Variants in TCF4 observed in about 807,000 individuals in gnomAD.
TCF4 encodes transcription factor 4, also known as SL3-3 enhancer factor 2.
In TCF4, 3 loss-of-function variants were observed where a neutral mutation model predicts 82.1. The observed-to-expected ratio is 0.04, with a 90% CI of 0.02 to 0.09. TCF4 has a LOEUF of 0.09. TCF4 is among the 10% of genes least tolerant of loss of function. TCF4 has a pLI of 1.00. For synonymous variants in TCF4, 276 were observed against 309.6 expected (o/e 0.89, Z 1.14); for missense variants, 518 against 852.7 (o/e 0.61, Z 4.89).
chr18:55,461,599 T>C (rs766580379), intron 4 of TCF4, among the ~76,000 whole-genome samples: 3 of 152,204 alleles, frequency 2.0e-5, no homozygotes, highest in Non-Finnish European at 4.4e-5. Flanking sequence ...TGTTTTATTA[T>C]AGTTACTATT....
At chr18:55,580,231 C>A (rs1357366395) in intron 3 of TCF4, among the ~76,000 whole-genome samples, 2 of 151,948 alleles carry the variant, frequency 1.3e-5, no homozygotes, top group African/African-American at 2.4e-5. Flanking sequence ...ACATATCAAA[C>A]CTTCAAAACT....
chr18:55,452,687 G>C (rs1462218623), intron 5 of TCF4: 1 of 152,482 alleles, frequency 6.6e-6, no homozygotes, highest in Non-Finnish European at 1.5e-5. Flanking sequence ...AGACCTAAAA[G>C]AGAAGGTCCT....
intron 5 of TCF4, among the ~76,000 whole-genome samples, chr18:55,431,342 C>T (rs538638156): frequency 3.7e-4 from 57 of 152,202 alleles, no homozygotes; most frequent in African/African-American, 9.4e-4. Flanking sequence ...TGCAATGGGG[C>T]GATCTCGGCT....
At chr18:55,617,052 C>T (rs2097712854) in intron 2 of TCF4, among the ~76,000 whole-genome samples, 1 of 152,042 alleles carries the variant, frequency 6.6e-6, no homozygotes, top group South Asian at 2.1e-4. Context: ...TTCTTCTAGG[C>T]ATTTTACAGT....
At chr18:55,422,798 A>G (rs779892704) in intron 5 of TCF4, among the ~76,000 whole-genome samples, 2 of 152,184 alleles carry the variant, frequency 1.3e-5, no homozygotes, top group Non-Finnish European at 2.9e-5. Flanking sequence ...TGAAAATGCT[A>G]ATGAGTCCTC....
At chr18:55,575,576 A>AT (rs904269668) in intron 3 of TCF4, among the ~76,000 whole-genome samples, 186 of 149,286 alleles carry the variant, frequency 1.2e-3, no homozygotes, top group African/African-American at 3.9e-3. Flanking sequence ...TTTGTCATAA[A>AT]TTTTTTTTTT....
chr18:55,351,075 T>C (rs1301946464), intron 6 of TCF4, 72 bp from the exon 7 acceptor site: 9 of 1,591,266 alleles, frequency 5.7e-6, no homozygotes, highest in Non-Finnish European at 7.8e-6. Flanking sequence ...AACTGATTGT[T>C]AGTACTTAAA....
At chr18:55,302,823 G>A (rs891679247) in intron 8 of TCF4, among the ~76,000 whole-genome samples, 1 of 152,144 alleles carries the variant, frequency 6.6e-6, no homozygotes, top group Non-Finnish European at 1.5e-5. Context: ...CCCAGTTCCT[G>A]TGACCTCCTG....
chr18:55,583,508 T>C (rs1461458420), intron 3 of TCF4, among the ~76,000 whole-genome samples: 2 of 152,122 alleles, frequency 1.3e-5, no homozygotes, highest in Non-Finnish European at 2.9e-5. Context: ...AATGTGAACA[T>C]AGAAAATGGA....
chr18:55,576,085 GA>G (rs756608487), intron 3 of TCF4, among the ~76,000 whole-genome samples: 8 of 152,094 alleles, frequency 5.3e-5, no homozygotes, highest in Non-Finnish European at 1.0e-4. Flanking sequence ...TAAAAAATGT[GA>G]AAACCCCTCT....
At chr18:55,295,325 T>C (rs2066208198) in intron 8 of TCF4, among the ~76,000 whole-genome samples, 1 of 152,242 alleles carries the variant, frequency 6.6e-6, no homozygotes. Flanking sequence ...TAATTGATGC[T>C]CATTTTCCGG....
chr18:55,508,626 A>C (rs554228078), intron 3 of TCF4, among the ~76,000 whole-genome samples: 106 of 152,314 alleles, frequency 7.0e-4, no homozygotes, highest in African/African-American at 2.4e-3. Flanking sequence ...GTGTTGCCCC[A>C]GGTTACAGGT....
chr18:55,463,903 C>A (rs1182586569), intron 4 of TCF4, among the ~76,000 whole-genome samples, 173 bp downstream of exon 4: 1 of 151,172 alleles, frequency 6.6e-6, no homozygotes, highest in Non-Finnish European at 1.5e-5. Context: ...ACTTAGTATG[C>A]ACATATATGC....
chr18:55,290,181 A>C (rs898632795), intron 8 of TCF4, among the ~76,000 whole-genome samples: 2 of 152,212 alleles, frequency 1.3e-5, no homozygotes, highest in East Asian at 3.8e-4. Flanking sequence ...ACCATTCCCT[A>C]CCCTTTTCCC....
At chr18:55,563,106 G>C (rs987369111) in intron 3 of TCF4, among the ~76,000 whole-genome samples, 11 of 151,914 alleles carry the variant, frequency 7.2e-5, no homozygotes, top group Admixed American at 2.6e-4. Flanking sequence ...AGCTGTGGTG[G>C]TGCACTCCTG....
chr18:55,263,781 A>C (rs1285841906), intron 11 of TCF4, among the ~76,000 whole-genome samples: 2 of 151,998 alleles, frequency 1.3e-5, no homozygotes, highest in African/African-American at 4.8e-5. Context: ...TATACCTAAA[A>C]ATTAGATCTA....
chr18:55,254,391 T>C (rs1317710886), intron 15 of TCF4, 106 bp downstream of exon 15: 1 of 1,080,062 alleles, frequency 9.3e-7, no homozygotes, highest in Non-Finnish European at 1.4e-6. Context: ...TTAAGTGAAT[T>C]ATATCTCAAT....
chr18:55,414,194 C>A (rs1161685656), intron 5 of TCF4, among the ~76,000 whole-genome samples: 1 of 151,982 alleles, frequency 6.6e-6, no homozygotes, highest in Non-Finnish European at 1.5e-5. Flanking sequence ...GAATGCAATT[C>A]TTAGTTATTT....
chr18:55,281,928 T>C (rs1305811109), intron 8 of TCF4, among the ~76,000 whole-genome samples: 1 of 152,012 alleles, frequency 6.6e-6, no homozygotes, highest in Non-Finnish European at 1.5e-5. Context: ...TAGGATATAT[T>C]ATAGTATGTA....
Sources: gnomAD v4.1 joint callset for allele counts (sites outside exome capture counted in the v4.1 genomes callset) on GRCh38, gnomAD v4.1.1 for gene constraint, MANE v1.5 for transcripts, NCBI Gene and HGNC (gene_info 2026-07-23, HGNC 2026-07-21) for gene names.